Variants in ANXA13 observed in about 807,000 individuals in gnomAD.
The protein encoded by ANXA13 is annexin XIII.
In ANXA13, 36 loss-of-function variants were observed where a neutral mutation model predicts 46.6. That is an observed-to-expected ratio of 0.77 (90% CI 0.59 to 1.02). The LOEUF (loss-of-function observed/expected upper bound fraction) is 1.02, where lower values mean the gene tolerates loss of function less well. Among genes scored for constraint, ANXA13 ranks in the 50% least tolerant of loss-of-function variants. ANXA13 has a pLI of 0.00. For synonymous variants in ANXA13, 163 were observed against 152.9 expected, an observed-to-expected ratio of 1.07 and a Z score of -0.49; for missense variants, 417 against 396.5, an observed-to-expected ratio of 1.05 and a Z score of -0.44.
rs144107485 is a variant in ANXA13 at position 123,688,284 on chromosome 8, G to A, written c.718+587C>T. Among the ~76,000 whole-genome samples, 314 of 152,228 alleles carry A rather than the reference G, an allele frequency of 2.1e-3. 1 individual carries two copies. Among genetic ancestry groups the A allele is most frequent in the African/African-American group, 7.2e-3 (297 of 41,536 alleles). On this transcript the variant is annotated intron_variant, in intron 9 of 10. Transcript: ENST00000419625. ...GATTTTATAAGGGGTTTCCTCTTTCGCTTGGGTCTTATTCTGCCTTGTCTG... is the reference window on the plus strand; with the variant it reads ...GATTTTATAAGGGGTTTCCTCTTTCACTTGGGTCTTATTCTGCCTTGTCTG...
chr8:123,716,708 A>C lies in ANXA13; in HGVS notation c.16-3955T>G, dbSNP rs370306456. Among the ~76,000 whole-genome samples the C allele has an allele frequency of 9.9e-5, 15 of 152,232 alleles. No individual in the cohort carries two copies. In the East Asian group the frequency reaches 2.9e-3, roughly 29 times the overall value. On this transcript the variant is annotated intron_variant, in intron 1 of 10. Transcript: ENST00000419625. ...AACGGGTGTCCTATGGCTTGTTCCCAGGAGCTGGGTACCGAACTTCTTCTC... is the reference window on the plus strand; with the variant it reads ...AACGGGTGTCCTATGGCTTGTTCCCCGGAGCTGGGTACCGAACTTCTTCTC...
chr8:123,692,101 C>A (rs1813254437), intron 8 of ANXA13, among the ~76,000 whole-genome samples: 1 of 152,220 alleles, frequency 6.6e-6, no homozygotes, highest in South Asian at 2.1e-4. Flanking sequence ...AATTCCAAAG[C>A]TTTATTGTCT....
At chr8:123,724,062 A>G (rs1373075484) in intron 1 of ANXA13, among the ~76,000 whole-genome samples, 9 of 152,218 alleles carry the variant, frequency 5.9e-5, no homozygotes, top group Non-Finnish European at 1.2e-4. Flanking sequence ...CTGGATAGAA[A>G]TCTTGAGCTG....
intron 3 of ANXA13, among the ~76,000 whole-genome samples, chr8:123,701,675 ACTGGGTCCT>A (rs777886497): frequency 1.3e-5 from 2 of 152,188 alleles, no homozygotes; most frequent in African/African-American, 2.4e-5. Context: ...TATTTATGGC[ACTGGGTCCT>A]CCAGGAATGG....
At chr8:123,684,366 C>T (rs915690199) in intron 10 of ANXA13, among the ~76,000 whole-genome samples, 3 of 152,194 alleles carry the variant, frequency 2.0e-5, no homozygotes, top group African/African-American at 7.2e-5. Flanking sequence ...CCTCTGCGCC[C>T]CTCCACTAGC....
chr8:123,732,290 G>GT lies in ANXA13; in HGVS notation c.15+5029dup, dbSNP rs1814133105. Among the ~76,000 whole-genome samples, 3 of 152,162 alleles carry GT rather than the reference G, an allele frequency of 2.0e-5. No individual in the cohort carries two copies. The South Asian group carries it at 6.2e-4, about 32-fold the overall frequency. On this transcript the variant is annotated intron_variant, in intron 1 of 10. Transcript: ENST00000419625. ...AGGATTGTTGTGAAGACCAAATGAC[G>GT]TAACACATGTGAAGTGCTTGGTGGC... is the stretch of plus-strand genomic sequence containing the variant.
chr8:123,681,224 A>G lies in ANXA13; in HGVS notation c.*16T>C, dbSNP rs770869915. The G allele has an allele frequency of 6.3e-7, 1 of 1,592,904 alleles. No individual in the cohort carries two copies. Among genetic ancestry groups the G allele is most frequent in the Admixed American group, 1.8e-5 (1 of 55,682 alleles). Reference sequence around the variant, plus strand: ...AAAGGCGGTTCCACCCTGTGTTCCTATTGCCCTGGCTTGGCTCAGTGCAAG... The same window carrying G: ...AAAGGCGGTTCCACCCTGTGTTCCTGTTGCCCTGGCTTGGCTCAGTGCAAG... On this transcript the variant is annotated 3_prime_UTR_variant, in exon 11 of 11. Coordinates refer to ENST00000419625, the MANE Select transcript of ANXA13 (RefSeq NM_004306.4).
At chr8:123,716,322 C>T (rs1314184354) in intron 1 of ANXA13, among the ~76,000 whole-genome samples, 4 of 152,054 alleles carry the variant, frequency 2.6e-5, no homozygotes, top group African/African-American at 4.8e-5. Context: ...TGAGCTCAAG[C>T]GATCCACCCA....
rs752083851 is a variant in ANXA13, at chr8:123,681,270, G to C, written c.921C>G (p.Phe307Leu). Residue 307 changes from phenylalanine (F) to leucine (L), a missense_variant, in exon 11 of 11, where the codon TTC (phenylalanine) becomes TTG (leucine). Physicochemically the swap from Phe to Leu is conservative, Grantham distance 22. Transcript: ENST00000419625. Reference sequence around the variant, plus strand: ...GCAAGAGGGCTACTAGCAGTTTCCGGAAGTCCCCGGAGGTATCTGAGCGAA... The same window carrying C: ...GCAAGAGGGCTACTAGCAGTTTCCGCAAGTCCCCGGAGGTATCTGAGCGAA... Reference protein sequence around the residue: ...DMVRSDTSGDFRKLLVALLH With the variant: ...DMVRSDTSGDLRKLLVALLH The C allele has an allele frequency of 4.3e-6, 7 of 1,614,036 alleles. No homozygotes were observed. The Admixed American group carries it at 1.0e-4, about 23-fold the overall frequency.
Position 123,698,526 on chromosome 8 carries a change from C to T in ANXA13, c.220G>A (p.Gly74Arg), listed in dbSNP as rs1401385810. 6.2e-7 allele frequency: 1 copy of T among 1,614,090 alleles called. No homozygotes were observed. Among genetic ancestry groups the T allele is most frequent in the Non-Finnish European group, 8.5e-7 (1 of 1,180,026 alleles). Reference sequence around the variant, plus strand: ...GCCAACGCTGTCTTCTCGAAGTTTCCACTCAGCTCACTCTTGAGTACTTCC... The same window carrying T: ...GCCAACGCTGTCTTCTCGAAGTTTCTACTCAGCTCACTCTTGAGTACTTCC... ...LEEVLKSELSGNFEKTALALL... is the reference protein window; with the variant it reads ...LEEVLKSELSRNFEKTALALL... The change falls in exon 4 of 11, where the codon GGA (glycine) becomes AGA (arginine). Residue 74 changes from glycine to arginine, a missense_variant. Coordinates refer to ENST00000419625, the MANE Select transcript of ANXA13 (RefSeq NM_004306.4).
rs140874668 is a variant in ANXA13 at position 123,704,860 on chromosome 8, G to C, written c.92-2124C>G. Among the ~76,000 whole-genome samples the C allele has an allele frequency of 1.5e-4, 23 of 152,132 alleles. No individual in the cohort carries two copies. The East Asian group carries it at 3.7e-3, about 24-fold the overall frequency. On this transcript the variant is annotated intron_variant, in intron 2 of 10. Transcript: ENST00000419625. ...CGATTTTCAGTTCTCCTCTCTATTG[G>C]AGTCACTCCTTTCCCAGGCGACTTT...
Position 123,691,755 on chromosome 8 carries a change from T to C in ANXA13, c.642+1442A>G, listed in dbSNP as rs1813247546. Among the ~76,000 whole-genome samples, 3 of 152,178 alleles carry C rather than the reference T, an allele frequency of 2.0e-5. No individual in the cohort carries two copies. The South Asian group carries it at 6.2e-4, about 32-fold the overall frequency. On this transcript the variant is annotated intron_variant, in intron 8 of 10. Coordinates refer to ENST00000419625, the MANE Select transcript of ANXA13 (RefSeq NM_004306.4). Reference sequence around the variant, plus strand: ...CAGGCCCTAGCCCCGGGGAATCTGATTCAGTAGGTCTGGTGGGGACTGAGA... The same window carrying C: ...CAGGCCCTAGCCCCGGGGAATCTGACTCAGTAGGTCTGGTGGGGACTGAGA...
At chr8:123,689,815 A>C (rs1447995007) in intron 8 of ANXA13, among the ~76,000 whole-genome samples, 1 of 152,240 alleles carries the variant, frequency 6.6e-6, no homozygotes, top group Non-Finnish European at 1.5e-5. Flanking sequence ...TCTTTCTTAG[A>C]AATTATCTTT....
chr8:123,705,665 C>T (rs1198826519), intron 2 of ANXA13, among the ~76,000 whole-genome samples: 1 of 152,206 alleles, frequency 6.6e-6, no homozygotes, highest in African/African-American at 2.4e-5. Flanking sequence ...CTGTCTTGCT[C>T]TGGTTGGTGT....
intron 1 of ANXA13, among the ~76,000 whole-genome samples, chr8:123,726,970 A>G (rs920602972): frequency 6.6e-6 from 1 of 152,190 alleles, no homozygotes; most frequent in African/African-American, 2.4e-5. Flanking sequence ...ACCAAACATC[A>G]TATGTTCTCA....
intron 8 of ANXA13, 93 bp downstream of exon 8, chr8:123,693,104 C>A (rs761507663): frequency 2.3e-5 from 25 of 1,074,824 alleles, no homozygotes; most frequent in Non-Finnish European, 3.5e-5. Flanking sequence ...TGTAAAGGAT[C>A]CCCAATTCCT....
chr8:123,708,908 T>A (rs1215708590), intron 2 of ANXA13, among the ~76,000 whole-genome samples: 2 of 152,222 alleles, frequency 1.3e-5, no homozygotes, highest in African/African-American at 2.4e-5. Flanking sequence ...TCTCTGTGTG[T>A]CTCTGTCTCT....
At position 123,724,586 on chromosome 8, in the gene ANXA13, A is replaced by T. The variant is rs945532204; in HGVS notation, c.16-11833T>A. 5.9e-5 allele frequency among the ~76,000 whole-genome samples: 9 copies of T among 152,374 alleles called. No individual in the cohort carries two copies. The East Asian group carries it at 1.7e-3, about 29-fold the overall frequency. The stretch of plus-strand genomic sequence containing the variant: ...ACACAAGAAAGAAATCCTTGACCTT[A>T]TCCAAGATGCTAAAGATAAAGGGAA... On this transcript the variant is annotated intron_variant, in intron 1 of 10. Transcript: ENST00000419625.
chr8:123,721,023 G>C (rs1469634191), intron 1 of ANXA13, among the ~76,000 whole-genome samples: 1 of 152,132 alleles, frequency 6.6e-6, no homozygotes, highest in Non-Finnish European at 1.5e-5. Flanking sequence ...GTTGAACAGT[G>C]CTTCATTTCC....
Sources: allele counts gnomAD v4.1 joint callset (sites outside exome capture counted in the v4.1 genomes callset), GRCh38; gene constraint gnomAD v4.1.1; transcripts MANE v1.5; gene names NCBI Gene and HGNC (gene_info 2026-07-23, HGNC 2026-07-21).